The following PCNX1 variants were observed in gnomAD, a reference collection of about 807,000 sequenced individuals.
The protein encoded by PCNX1 is pecanex 1.
In PCNX1, 78 loss-of-function variants were observed where a neutral mutation model predicts 242.2. The ratio of observed to expected loss-of-function variants is 0.32; its 90% CI spans 0.27 to 0.39. PCNX1 has a LOEUF of 0.39. Among genes scored for constraint, PCNX1 ranks in the 10% least tolerant of loss-of-function variants. The pLI is 1.00. For missense variants in PCNX1, 2,581 were observed against 2,856.5 expected, an observed-to-expected ratio of 0.90 and a Z score of 2.20; for synonymous variants, 1,024 against 1,032.9, an observed-to-expected ratio of 0.99 and a Z score of 0.17.
chr14:70,922,320 A>C (rs1172011658), intron 1 of PCNX1, among the ~76,000 whole-genome samples: 2 of 152,154 alleles, frequency 1.3e-5, no homozygotes, highest in Non-Finnish European at 2.9e-5. Context: ...AAAATCTTTA[A>C]TAGGTATTAG....
chr14:70,912,786 T>G (rs760978292), intron 1 of PCNX1, among the ~76,000 whole-genome samples: 62 of 152,356 alleles, frequency 4.1e-4, no homozygotes, highest in Non-Finnish European at 7.2e-4. Flanking sequence ...GTTTACAGTT[T>G]GTGCAGTTTT....
chr14:71,023,150 A>G (rs1163184826), intron 12 of PCNX1, 50 bp from the exon 13 acceptor site: 1 of 1,459,560 alleles, frequency 6.9e-7, no homozygotes, highest in South Asian at 1.2e-5. Flanking sequence ...GTTGGTTGTA[A>G]AATTAGCAAG....
intron 9 of PCNX1, 86 bp downstream of exon 9, chr14:71,009,810 ATTTTT>A: frequency 1.4e-6 from 1 of 695,214 alleles, no homozygotes; most frequent in Non-Finnish European, 2.2e-6. Flanking sequence ...ATAAAAGTTA[ATTTTT>A]TTGTTTTTTA....
intron 1 of PCNX1, among the ~76,000 whole-genome samples, chr14:70,924,245 A>G (rs1364801896): frequency 1.3e-5 from 2 of 151,514 alleles, no homozygotes; most frequent in Non-Finnish European, 2.9e-5. Context: ...AAAAAAAAAA[A>G]AAAAGAAAAA....
rs937977934 is a variant in PCNX1 at position 70,983,882 on chromosome 14, A to G, written c.2312-4685A>G. ...TAGCATCGTTCTTGGCTGACAAAGA[A>G]ACTAAGAAAGGGAAAAACTATTTAG... On this transcript the variant is annotated intron_variant, in intron 6 of 35. Transcript: ENST00000304743. 5.9e-5 allele frequency among the ~76,000 whole-genome samples: 9 copies of G among 151,488 alleles called. 1 individual carries two copies. The highest frequency in any genetic ancestry group is 4.2e-4 in the South Asian group (2 of 4,810).
intron 27 of PCNX1, among the ~76,000 whole-genome samples, chr14:71,075,555 AG>A (rs1002511002): frequency 3.9e-5 from 5 of 126,970 alleles, no homozygotes; most frequent in African/African-American, 1.2e-4. Context: ...AGCACAGTAA[AG>A]TTTTTTTTAC....
At chr14:71,043,556 A>C (rs1265689526) in intron 19 of PCNX1, among the ~76,000 whole-genome samples, 2 of 90,088 alleles carry the variant, frequency 2.2e-5, no homozygotes, top group East Asian at 7.5e-4. Flanking sequence ...TTGTTTTTTT[A>C]AGATCCATCT....
intron 30 of PCNX1, chr14:71,092,855 G>A (rs1018139928): frequency 6.6e-6 from 1 of 152,206 alleles, no homozygotes; most frequent in African/African-American, 2.4e-5. Flanking sequence ...CCTAGACAAA[G>A]AGAACTCTTC....
intron 26 of PCNX1, among the ~76,000 whole-genome samples, chr14:71,068,348 G>GTA (rs1463472975): frequency 2.0e-5 from 3 of 150,374 alleles, no homozygotes; most frequent in African/African-American, 4.9e-5. Flanking sequence ...ATATATATGT[G>GTA]TATATATATG....
At chr14:71,026,321 A>C in intron 14 of PCNX1, 33 bp downstream of exon 14, 1 of 1,318,328 alleles carries the variant, frequency 7.6e-7, no homozygotes. Context: ...TAATCTTAAA[A>C]TTAATTTATT....
chr14:70,977,714 T>G lies in PCNX1; in HGVS notation c.1377T>G (p.Ser459Arg). ...TSSEKIAMEA[S>R]TNSGVHEAKD... ...GTGAAAAGATTGCTATGGAAGCGAG[T>G]ACCAACAGTGGGGTTCACGAGGCCA... The change falls in exon 6 of 36, where the codon AGT (serine) becomes AGG (arginine). Residue 459 changes from serine to arginine, a missense_variant. Ser to Arg is a moderately radical substitution (Grantham distance 110, BLOSUM62 -1). Around this residue, in one of 9 missense-constraint regions of PCNX1, gnomAD observed 1,204 missense variants for 1,216.7 expected, o/e 0.99. Transcript: ENST00000304743. 1 of 1,613,872 alleles carries G rather than the reference T, an allele frequency of 6.2e-7. No individual in the cohort carries two copies. Among genetic ancestry groups the G allele is most frequent in the East Asian group, 2.2e-5 (1 of 44,850 alleles).
At chr14:70,957,888 T>C (rs2058054065) in intron 2 of PCNX1, among the ~76,000 whole-genome samples, 2 of 152,028 alleles carry the variant, frequency 1.3e-5, no homozygotes, top group African/African-American at 4.8e-5. Flanking sequence ...TGTCTCTCCT[T>C]TCTGTGTTGT....
At chr14:70,972,132 G>A (rs1053359140) in intron 5 of PCNX1, among the ~76,000 whole-genome samples, 3 of 152,082 alleles carry the variant, frequency 2.0e-5, no homozygotes, top group African/African-American at 7.2e-5. Context: ...GATAGGTTAT[G>A]GATTTGGATA....
At chr14:71,032,341 C>G (rs2060411665) in intron 16 of PCNX1, among the ~76,000 whole-genome samples, 1 of 152,226 alleles carries the variant, frequency 6.6e-6, no homozygotes, top group Non-Finnish European at 1.5e-5. Flanking sequence ...TACATTCAAA[C>G]ATGTCAAGAG....
intron 3 of PCNX1, among the ~76,000 whole-genome samples, chr14:70,967,070 A>G (rs2058402041): frequency 6.6e-6 from 1 of 152,214 alleles, no homozygotes; most frequent in Non-Finnish European, 1.5e-5. Flanking sequence ...GTTTCAACAG[A>G]TATATGTATG....
chr14:70,925,233 C>T (rs1432524676), intron 1 of PCNX1, among the ~76,000 whole-genome samples: 2 of 152,198 alleles, frequency 1.3e-5, no homozygotes, highest in African/African-American at 2.4e-5. Context: ...AAGTGATCTG[C>T]CTGCTTCAGC....
intron 5 of PCNX1, among the ~76,000 whole-genome samples, chr14:70,974,589 G>T (rs1042948796): frequency 1.3e-5 from 2 of 152,078 alleles, no homozygotes; most frequent in Non-Finnish European, 1.5e-5. Context: ...TTATAATAAG[G>T]TGACATGAAC....
intron 3 of PCNX1, among the ~76,000 whole-genome samples, chr14:70,966,085 A>G (rs2058369955): frequency 1.3e-5 from 2 of 152,156 alleles, no homozygotes; most frequent in Non-Finnish European, 2.9e-5. Context: ...TTCTACAGTG[A>G]CACTTTGGGG....
chr14:70,907,907 G>A lies in PCNX1; in HGVS notation c.57G>A (p.Gly19=). ...LRQGVWAALS[G]GWYYDPHQAT... ...AGGGGGTGTGGGCCGCGCTCAGCGGGGGCTGGTACTACGACCCGCACCAGG... is the reference window on the plus strand; with the variant it reads ...AGGGGGTGTGGGCCGCGCTCAGCGGAGGCTGGTACTACGACCCGCACCAGG... Residue 19 remains glycine, a synonymous_variant, in exon 1 of 36, where the codon GGG becomes GGA. Coordinates refer to ENST00000304743, the MANE Select transcript of PCNX1 (RefSeq NM_014982.3). 6.3e-7 allele frequency: 1 copy of A among 1,581,074 alleles called. No individual in the cohort carries two copies. Among genetic ancestry groups the A allele is most frequent in the Non-Finnish European group, 8.6e-7 (1 of 1,166,722 alleles).
Sources: gnomAD v4.1 joint callset for allele counts (sites outside exome capture counted in the v4.1 genomes callset) on GRCh38, gnomAD v4.1.1 for gene constraint, gnomAD v4.1.1 regional missense constraint, MANE v1.5 for transcripts, NCBI Gene and HGNC (gene_info 2026-07-23, HGNC 2026-07-21) for gene names.